The following SLIT3 variants were observed in gnomAD, a reference collection of about 807,000 sequenced individuals.
SLIT3 encodes slit homolog 3 protein.
Under a neutral mutation model 184.0 loss-of-function variants are expected in SLIT3, and 68 were observed. That is an observed-to-expected ratio of 0.37 (90% CI 0.30 to 0.45). SLIT3 has a LOEUF of 0.45. Among genes scored for constraint, SLIT3 ranks in the 20% least tolerant of loss-of-function variants. SLIT3 has a pLI of 1.00. For synonymous variants in SLIT3, 831 were observed against 828.6 expected (o/e 1.00, Z -0.05); for missense variants, 1,707 against 2,026.0 (o/e 0.84, Z 3.02).
At position 168,772,894 on chromosome 5, in the gene SLIT3, G is replaced by A. The variant is rs750841483; in HGVS notation, c.1346C>T (p.Ala449Val). ...FVCDCHLKWL[A>V]DYLQDNPIET... ...GATGGGGTTGTCCTGGAGGTAGTCGGCCAGCCACTTCAAGTGGCAGTCGCA... is the reference window on the plus strand; with the variant it reads ...GATGGGGTTGTCCTGGAGGTAGTCGACCAGCCACTTCAAGTGGCAGTCGCA... The change falls in exon 14 of 36, where the codon GCC becomes GTC. Residue 449 changes from alanine (A) to valine (V), a missense_variant. Around this residue, in one of 3 missense-constraint regions of SLIT3, gnomAD observed 1,307 missense variants for 1,511.6 expected, o/e 0.86. Coordinates refer to ENST00000519560, the MANE Select transcript of SLIT3 (RefSeq NM_003062.4). 4 of 1,611,804 alleles carry A rather than the reference G, an allele frequency of 2.5e-6. No individual in the cohort carries two copies. Among genetic ancestry groups the A allele is most frequent in the Non-Finnish European group, 3.4e-6 (4 of 1,179,452 alleles).
chr5:169,278,232 C>T (rs925575163), intron 1 of SLIT3, among the ~76,000 whole-genome samples: 3 of 152,160 alleles, frequency 2.0e-5, no homozygotes, highest in Non-Finnish European at 2.9e-5. Context: ...TTTCCTCCAG[C>T]GACCATCTGT....
At chr5:169,047,721 GCTGT>G (rs1757673766) in intron 4 of SLIT3, among the ~76,000 whole-genome samples, 1 of 152,086 alleles carries the variant, frequency 6.6e-6, no homozygotes. Flanking sequence ...CATATACAAT[GCTGT>G]CTTTTTTCTT....
At chr5:168,918,337 C>G (rs1761512589) in intron 4 of SLIT3, among the ~76,000 whole-genome samples, 1 of 152,184 alleles carries the variant, frequency 6.6e-6, no homozygotes, top group East Asian at 1.9e-4. Context: ...CTGCATTCAT[C>G]TTACATATAT....
intron 4 of SLIT3, among the ~76,000 whole-genome samples, chr5:168,901,186 C>T (rs562801169): frequency 6.6e-6 from 1 of 152,222 alleles, no homozygotes; most frequent in South Asian, 2.1e-4. Flanking sequence ...TGGTGAAACC[C>T]CGTCTCTACT....
At chr5:169,276,945 G>A (rs1766827849) in intron 1 of SLIT3, among the ~76,000 whole-genome samples, 2 of 152,030 alleles carry the variant, frequency 1.3e-5, no homozygotes, top group African/African-American at 4.8e-5. Flanking sequence ...CTATTTTTAA[G>A]CGCACAGTTT....
At chr5:168,890,956 G>A (rs989148628) in intron 4 of SLIT3, among the ~76,000 whole-genome samples, 5 of 152,192 alleles carry the variant, frequency 3.3e-5, no homozygotes, top group Admixed American at 1.3e-4. Context: ...TTCACATCCC[G>A]GTTCTGCTAC....
chr5:168,762,708 G>A lies in SLIT3; in HGVS notation c.1460-19C>T. The A allele has an allele frequency of 6.2e-7, 1 of 1,609,830 alleles. No individual in the cohort carries two copies. Among genetic ancestry groups the A allele is most frequent in the Non-Finnish European group, 8.5e-7 (1 of 1,177,436 alleles). Reference sequence around the variant, plus strand: ...TCGGAGCCTGGGAGGGGCCAAAGAGGGGACGTCAGCGTCACCCGAGTTCCA... The same window carrying A: ...TCGGAGCCTGGGAGGGGCCAAAGAGAGGACGTCAGCGTCACCCGAGTTCCA... On this transcript the variant is annotated intron_variant, in intron 14 of 35. Transcript: ENST00000519560.
rs1460939273 is a variant in SLIT3 at position 168,789,746 on chromosome 5, T to G, written c.1008-115A>C. On this transcript the variant is annotated intron_variant, in intron 10 of 35. Coordinates refer to ENST00000519560, the MANE Select transcript of SLIT3 (RefSeq NM_003062.4). ...AAAATGGTAAGGATTAATCAATCAA[T>G]CAAGCAATTCATTTACTCATAGTGC... 14 of 765,512 alleles carry G rather than the reference T, an allele frequency of 1.8e-5. No homozygotes were observed. The Admixed American group carries it at 3.1e-4, about 17-fold the overall frequency. 47.4% of individuals were successfully genotyped at this position (765,512 alleles called of 1,614,324 possible).
At chr5:169,253,147 G>A (rs536493072) in intron 1 of SLIT3, among the ~76,000 whole-genome samples, 165 of 152,078 alleles carry the variant, frequency 1.1e-3, no homozygotes, top group Non-Finnish European at 1.8e-3. Flanking sequence ...ATGCAGGGAT[G>A]GGAAACCTGC....
chr5:169,082,588 C>T (rs995207821), intron 4 of SLIT3, among the ~76,000 whole-genome samples: 8 of 152,200 alleles, frequency 5.3e-5, no homozygotes, highest in African/African-American at 1.9e-4. Context: ...GTGTGTGTCT[C>T]TCTCTTTCTC....
At chr5:168,993,108 T>C (rs568417637) in intron 4 of SLIT3, 10 of 152,224 alleles carry the variant, frequency 6.6e-5, no homozygotes, top group Non-Finnish European at 1.0e-4. Flanking sequence ...GAAAATATCC[T>C]ATGGGCTTAT....
Position 169,300,791 on chromosome 5 carries a change from G to T in SLIT3, c.-82C>A, listed in dbSNP as rs1028540557. 8.2e-7 allele frequency: 1 copy of T among 1,226,470 alleles called. No homozygotes were observed. Among genetic ancestry groups the T allele is most frequent in the South Asian group, 3.6e-5 (1 of 27,458 alleles). The allele number at this position is 1,226,470 out of a possible 1,614,324, so 76.0% of individuals were successfully genotyped here. A position where few individuals can be genotyped will look rare whatever the true frequency, so the allele number is the denominator to read the frequency against. On this transcript the variant is annotated 5_prime_UTR_variant, in exon 1 of 36. Coordinates refer to ENST00000519560, the MANE Select transcript of SLIT3 (RefSeq NM_003062.4). This position sits in a 1 kb window ranked among gnomAD's most constrained non-coding sequence, Gnocchi z 4.1. ...GCCCGAGGAGGCGCGCGGGGAGCGC[G>T]GGCGGCCTGGGGAGCGGGCGGCGGA...
intron 4 of SLIT3, among the ~76,000 whole-genome samples, chr5:169,007,384 A>G (rs1370556099): frequency 2.6e-5 from 4 of 152,196 alleles, no homozygotes; most frequent in Non-Finnish European, 5.9e-5. Context: ...TGACAATTCC[A>G]GGGGCTCTGC....
chr5:169,008,063 A>T (rs1178383819), intron 4 of SLIT3, among the ~76,000 whole-genome samples: 1 of 152,212 alleles, frequency 6.6e-6, no homozygotes, highest in Non-Finnish European at 1.5e-5. Flanking sequence ...ATGATGTAAG[A>T]TAGACTCCCA....
At chr5:168,972,337 A>ATGTGTG (rs60588036) in intron 4 of SLIT3, among the ~76,000 whole-genome samples, 3,789 of 118,280 alleles carry the variant, frequency 0.032, 151 homozygotes, top group Middle Eastern at 0.042. Context: ...GCAGGACAAC[A>ATGTGTG]TGTGTGTGTG....
chr5:169,158,359 A>G (rs1268537617), intron 4 of SLIT3, among the ~76,000 whole-genome samples: 2 of 152,166 alleles, frequency 1.3e-5, no homozygotes, highest in East Asian at 3.8e-4. Flanking sequence ...CTGTCAACCC[A>G]GAATTCTATA....
chr5:168,791,745 T>G (rs898107131), intron 10 of SLIT3: 1 of 152,228 alleles, frequency 6.6e-6, no homozygotes, highest in African/African-American at 2.4e-5. Flanking sequence ...ACACTTAAAA[T>G]CTACTCTCTG....
At chr5:168,727,100 A>T (rs1435137415) in intron 20 of SLIT3, among the ~76,000 whole-genome samples, 2 of 152,012 alleles carry the variant, frequency 1.3e-5, no homozygotes, top group Non-Finnish European at 2.9e-5. Context: ...CAAGTGGATC[A>T]CTTGAGGCCA....
chr5:169,031,022 C>T (rs948618593), intron 4 of SLIT3, among the ~76,000 whole-genome samples: 1 of 152,290 alleles, frequency 6.6e-6, no homozygotes, highest in African/African-American at 2.4e-5. Context: ...CTTTCCTCTC[C>T]TGAATAGCAA....
Sources: gnomAD v4.1 joint callset for allele counts (sites outside exome capture counted in the v4.1 genomes callset) on GRCh38, gnomAD v4.1.1 for gene constraint, gnomAD v4.1.1 regional missense constraint, Gnocchi (gnomAD v3.1) non-coding constraint, MANE v1.5 for transcripts, NCBI Gene and HGNC (gene_info 2026-07-23, HGNC 2026-07-21) for gene names.